The following SAMD11 variants were observed in gnomAD, a reference collection of about 807,000 sequenced individuals.
SAMD11 encodes the protein sterile alpha motif domain-containing protein 11.
In SAMD11, 77 loss-of-function variants were observed where a neutral mutation model predicts 64.4. The observed-to-expected ratio is 1.20, with a 90% CI of 0.99 to 1.44. The LOEUF is 1.44. SAMD11 is among the 40% of genes most tolerant of loss of function. SAMD11 has a pLI of 0.00. For missense variants in SAMD11, 1,402 were observed against 943.3 expected, an observed-to-expected ratio of 1.49 and a Z score of -6.37; for synonymous variants, 658 against 421.9, an observed-to-expected ratio of 1.56 and a Z score of -6.86.
At chr1:939,792 C>G (rs994089195) in intron 7 of SAMD11, among the ~76,000 whole-genome samples, 4 of 42,588 alleles carry the variant, frequency 9.4e-5, no homozygotes, top group Non-Finnish European at 3.0e-4. Context: ...CAGTGGACGC[C>G]GACCTGCCAG....
intron 2 of SAMD11, among the ~76,000 whole-genome samples, chr1:927,298 C>G (rs1640941003): frequency 6.6e-6 from 1 of 152,204 alleles, no homozygotes; most frequent in East Asian, 1.9e-4. Context: ...CGCTGCCTAG[C>G]CTTGGGTCTC....
rs1034143433 is a variant in SAMD11 at position 923,926 on chromosome 1, G to C, written c.-506G>C. On this transcript the variant is annotated 5_prime_UTR_variant, in exon 1 of 14. Coordinates refer to ENST00000616016, the MANE Select transcript of SAMD11 (RefSeq NM_001385641.1). Reference sequence around the variant, plus strand: ...GCCAAGTTGTGGCGGCGGCGTCGGCGGCGGAGTCTCCCAAGTCCCCGCCGG... The same window carrying C: ...GCCAAGTTGTGGCGGCGGCGTCGGCCGCGGAGTCTCCCAAGTCCCCGCCGG... 3 of 151,202 alleles carry C rather than the reference G, an allele frequency of 2.0e-5. No homozygotes were observed. Among genetic ancestry groups the C allele is most frequent in the African/African-American group, 7.3e-5 (3 of 41,320 alleles). The allele number at this position is 151,202 out of a possible 1,614,324, so 9.4% of individuals were successfully genotyped here.
chr1:943,420 TGGCA>T lies in SAMD11; in HGVS notation c.2178+45_2178+48del, dbSNP rs780037525. The T allele has an allele frequency of 2.0e-6, 3 of 1,463,654 alleles. No homozygotes were observed. In the African/African-American group the frequency reaches 4.3e-5, roughly 21 times the overall value. 90.7% of individuals were successfully genotyped at this position (1,463,654 alleles called of 1,614,324 possible). On this transcript the variant is annotated intron_variant, in intron 12 of 13. Transcript: ENST00000616016. ...TTCCTGGGGCGGGGCTGGAGCTGGC[TGGCA>T]GTCACTACCTCCCTGGAAAGGATGG... is the stretch of plus-strand genomic sequence containing the variant.
intron 7 of SAMD11, among the ~76,000 whole-genome samples, chr1:939,975 G>C (rs945230385): frequency 3.3e-5 from 5 of 152,086 alleles, no homozygotes; most frequent in Non-Finnish European, 7.4e-5. Context: ...CGTTCTCCAG[G>C]GGTCCCTCCG....
intron 3 of SAMD11, 33 bp from the exon 4 acceptor site, chr1:931,006 A>T (rs1351222378): frequency 1.2e-6 from 2 of 1,608,582 alleles, no homozygotes; most frequent in Non-Finnish European, 1.7e-6. Flanking sequence ...GGGCCTCCAG[A>T]GCAACATGGA....
Position 943,900 on chromosome 1 carries a change from C to G in SAMD11, c.2290-8C>G, listed in dbSNP as rs771479164. On this transcript the variant is annotated splice_polypyrimidine_tract_variant and splice_region_variant and intron_variant, in intron 13 of 13. Transcript: ENST00000616016. ...TGCGACAGCCCCCACCAGGCCATCTCTCTGCAGGTGGCCAGGCGCCTGGGC... is the reference window on the plus strand; with the variant it reads ...TGCGACAGCCCCCACCAGGCCATCTGTCTGCAGGTGGCCAGGCGCCTGGGC... 6 of 1,612,944 alleles carry G rather than the reference C, an allele frequency of 3.7e-6. No individual in the cohort carries two copies. Among genetic ancestry groups the G allele is most frequent in the Non-Finnish European group, 5.1e-6 (6 of 1,179,948 alleles).
At chr1:927,416 C>T (rs1425048245) in intron 2 of SAMD11, among the ~76,000 whole-genome samples, 1 of 152,110 alleles carries the variant, frequency 6.6e-6, no homozygotes, top group Non-Finnish European at 1.5e-5. Flanking sequence ...CATCTCCTCC[C>T]CACCCCGTGG....
At chr1:939,571 C>A in intron 7 of SAMD11, 159 bp downstream of exon 7, 1 of 1,181,412 alleles carries the variant, frequency 8.5e-7, no homozygotes, top group Non-Finnish European at 1.1e-6. Context: ...GGATGCAGGT[C>A]CCTCTGCCAC....
At chr1:928,151 T>A (rs560552902) in intron 2 of SAMD11, among the ~76,000 whole-genome samples, 57 of 152,252 alleles carry the variant, frequency 3.7e-4, no homozygotes, top group Non-Finnish European at 7.4e-4. Flanking sequence ...CCCAGCACTT[T>A]GGGAGGCCGA....
rs770271666 is a variant in SAMD11, at chr1:941,295, C to G, written c.1347C>G (p.Ser449=). The G allele has an allele frequency of 6.3e-7, 1 of 1,588,466 alleles. No homozygotes were observed. Residue 449 remains serine, a synonymous_variant, in exon 8 of 14, where the codon TCC becomes TCG. Coordinates refer to ENST00000616016, the MANE Select transcript of SAMD11 (RefSeq NM_001385641.1). ...REGAAPAAAP[S]FSERELPQPP... The stretch of plus-strand genomic sequence containing the variant: ...GCGCCGCCCCAGCTGCCGCCCCGTC[C>G]TTCTCGGAGAGGTACTGGGGTGGCT...
intron 4 of SAMD11, among the ~76,000 whole-genome samples, chr1:932,024 G>C (rs76326394): frequency 6.6e-6 from 1 of 152,250 alleles, no homozygotes; most frequent in Admixed American, 6.5e-5. Context: ...GGGGACCTGC[G>C]TGTCTTGGCT....
rs537244328 is a variant in SAMD11, at chr1:929,961, G to A, written c.610-194G>A. Among the ~76,000 whole-genome samples, 63 of 152,328 alleles carry A rather than the reference G, an allele frequency of 4.1e-4. No individual in the cohort carries two copies. In the Middle Eastern group the frequency reaches 0.024, roughly 58 times the overall value. ...CAGCTGTGGCTCCTGCTGGCCCCAGGCGCATCCCAGAGGCAGGTAGAGGGA... is the reference window on the plus strand; with the variant it reads ...CAGCTGTGGCTCCTGCTGGCCCCAGACGCATCCCAGAGGCAGGTAGAGGGA... On this transcript the variant is annotated intron_variant, in intron 2 of 13. Transcript: ENST00000616016.
intron 12 of SAMD11, 75 bp from the exon 13 acceptor site, chr1:943,623 A>T (rs1641960597): frequency 3.5e-6 from 5 of 1,415,308 alleles, no homozygotes; most frequent in Non-Finnish European, 4.7e-6. Context: ...CTGCACAAAC[A>T]GCTCCTCTTG....
At chr1:935,665 A>G (rs1557604636) in intron 4 of SAMD11, 107 bp from the exon 5 acceptor site, 4 of 1,467,188 alleles carry the variant, frequency 2.7e-6, no homozygotes, top group Middle Eastern at 3.6e-4. Context: ...TGGCACTCAG[A>G]GGTCATCCCC....
At position 928,190 on chromosome 1, in the gene SAMD11, G is replaced by A. The variant is rs556539409; in HGVS notation, c.610-1965G>A. On this transcript the variant is annotated intron_variant, in intron 2 of 13. Coordinates refer to ENST00000616016, the MANE Select transcript of SAMD11 (RefSeq NM_001385641.1). ...GGGCGGATCACGAGGTCAGGAGATC[G>A]AGACCATCCTGACTAACACGGTGAA... Among the ~76,000 whole-genome samples, 49 of 152,166 alleles carry A rather than the reference G, an allele frequency of 3.2e-4. 1 individual carries two copies. The highest frequency in any genetic ancestry group is 6.5e-4 in the Admixed American group (10 of 15,290).
rs1410487439 is a variant in SAMD11 at position 943,904 on chromosome 1, G to A, written c.2290-4G>A. 1.9e-6 allele frequency: 3 copies of A among 1,612,768 alleles called. No homozygotes were observed. The highest frequency in any genetic ancestry group is 1.1e-5 in the South Asian group (1 of 91,086). On this transcript the variant is annotated splice_polypyrimidine_tract_variant and splice_region_variant and intron_variant, in intron 13 of 13. Coordinates refer to ENST00000616016, the MANE Select transcript of SAMD11 (RefSeq NM_001385641.1). Reference sequence around the variant, plus strand: ...ACAGCCCCCACCAGGCCATCTCTCTGCAGGTGGCCAGGCGCCTGGGCCGAG... The same window carrying A: ...ACAGCCCCCACCAGGCCATCTCTCTACAGGTGGCCAGGCGCCTGGGCCGAG...
intron 2 of SAMD11, 25 bp downstream of exon 2, chr1:926,038 C>T (rs1640867580): frequency 6.2e-7 from 1 of 1,602,554 alleles, no homozygotes; most frequent in Non-Finnish European, 8.5e-7. Context: ...TCGGTTGGGG[C>T]TGGGAGTTAC....
intron 4 of SAMD11, 100 bp from the exon 5 acceptor site, chr1:935,672 C>G (rs974326224): frequency 6.6e-7 from 1 of 1,511,220 alleles, no homozygotes; most frequent in African/African-American, 1.4e-5. Flanking sequence ...CAGAGGTCAT[C>G]CCCACGCTCA....
rs570549750 is a variant in SAMD11 at position 940,758 on chromosome 1, C to G, written c.1196-386C>G. Among the ~76,000 whole-genome samples the G allele has an allele frequency of 3.3e-5, 5 of 152,326 alleles. No homozygotes were observed. In the South Asian group the frequency reaches 1.0e-3, roughly 32 times the overall value. On this transcript the variant is annotated intron_variant, in intron 7 of 13. Coordinates refer to ENST00000616016, the MANE Select transcript of SAMD11 (RefSeq NM_001385641.1). ...CTATGGGGACCTCAGATTTTCTTGCCTCCCACCGAAGAGGGGGTCCCCTGG... is the reference window on the plus strand; with the variant it reads ...CTATGGGGACCTCAGATTTTCTTGCGTCCCACCGAAGAGGGGGTCCCCTGG...
Sources: allele counts gnomAD v4.1 joint callset (sites outside exome capture counted in the v4.1 genomes callset), GRCh38; gene constraint gnomAD v4.1.1; transcripts MANE v1.5; gene names NCBI Gene and HGNC (gene_info 2026-07-23, HGNC 2026-07-21).